SLC17A3: variants seen among roughly 807,000 people sequenced by gnomAD.
The protein encoded by SLC17A3 is sodium-dependent phosphate transport protein 4.
In SLC17A3, 61 loss-of-function variants were observed where a neutral mutation model predicts 60.3. That is an observed-to-expected ratio of 1.01 (90% CI 0.82 to 1.25). The LOEUF (loss-of-function observed/expected upper bound fraction) is 1.25, where lower values mean the gene tolerates loss of function less well. Among genes scored for constraint, SLC17A3 ranks in the 50% most tolerant of loss-of-function variants. The probability of loss-of-function intolerance (pLI) is 0.00; values close to 1 mark genes in which losing one functional copy is unlikely to be tolerated. For synonymous variants in SLC17A3, 192 were observed against 208.9 expected (o/e 0.92, Z 0.70); for missense variants, 624 against 594.9 (o/e 1.05, Z -0.51).
Position 25,845,092 on chromosome 6 carries a change from C to T in SLC17A3, c.*209G>A, listed in dbSNP as rs2151517078. 2 of 367,774 alleles carry T rather than the reference C, an allele frequency of 5.4e-6. No homozygotes were observed. The highest frequency in any genetic ancestry group is 6.1e-5 in the East Asian group (1 of 16,470). The allele number at this position is 367,774 out of a possible 1,614,324, so 22.8% of individuals were successfully genotyped here. On this transcript the variant is annotated 3_prime_UTR_variant, in exon 13 of 13. Coordinates refer to ENST00000397060, the MANE Select transcript of SLC17A3 (RefSeq NM_001098486.2). The stretch of plus-strand genomic sequence containing the variant: ...TCCATTGTTAATTCTATGAAGATGA[C>T]AACTGCATTCTTAGTTATCATTTTA...
chr6:25,850,134 A>G lies in SLC17A3; in HGVS notation c.1037T>C (p.Ile346Thr), dbSNP rs755895458. The change falls in exon 9 of 13, where the codon ATA becomes ACA. Residue 346 changes from isoleucine (I) to threonine (T), a missense_variant. Transcript: ENST00000397060. ...SALPFIVAWVIGMVGGYLADF... is the reference protein window; with the variant it reads ...SALPFIVAWVTGMVGGYLADF... ...TGCCAGATAGCCTCCCACCATGCCTATGACCCAGGCAACAATAAAAGGAAG... is the reference window on the plus strand; with the variant it reads ...TGCCAGATAGCCTCCCACCATGCCTGTGACCCAGGCAACAATAAAAGGAAG... The G allele has an allele frequency of 9.3e-6, 15 of 1,613,500 alleles. No individual in the cohort carries two copies. Among genetic ancestry groups the G allele is most frequent in the Non-Finnish European group, 1.2e-5 (14 of 1,179,438 alleles).
intron 2 of SLC17A3, among the ~76,000 whole-genome samples, chr6:25,867,975 T>C (rs1765565989): frequency 6.6e-6 from 1 of 151,932 alleles, no homozygotes; most frequent in Non-Finnish European, 1.5e-5. Context: ...TTTTTTACTT[T>C]TTTAAATTAA....
intron 1 of SLC17A3, among the ~76,000 whole-genome samples, chr6:25,868,910 C>G (rs1765585354): frequency 1.3e-5 from 2 of 152,040 alleles, no homozygotes; most frequent in East Asian, 1.9e-4. Context: ...CACCTCAGAG[C>G]TATGCTCCTC....
chr6:25,872,922 C>A (rs1215056295), intron 1 of SLC17A3, among the ~76,000 whole-genome samples: 1 of 152,004 alleles, frequency 6.6e-6, no homozygotes, highest in Non-Finnish European at 1.5e-5. Context: ...CAGCTTGTAC[C>A]AACACCCTAT....
At chr6:25,856,405 T>A (rs1359451110) in intron 5 of SLC17A3, among the ~76,000 whole-genome samples, 1 of 152,090 alleles carries the variant, frequency 6.6e-6, no homozygotes, top group African/African-American at 2.4e-5. Flanking sequence ...TTGGCTAACT[T>A]AAAAAAATTC....
intron 5 of SLC17A3, 123 bp downstream of exon 5, chr6:25,861,501 T>C: frequency 1.2e-6 from 1 of 823,782 alleles, no homozygotes. Context: ...CCAGTCTTTT[T>C]AATTTAAAAA....
chr6:25,862,879 A>G (rs1262588285), intron 2 of SLC17A3, among the ~76,000 whole-genome samples: 2 of 151,576 alleles, frequency 1.3e-5, no homozygotes, highest in Non-Finnish European at 2.9e-5. Context: ...TGTATGTATA[A>G]CTATATATAC....
chr6:25,846,921 T>C (rs1581518287), intron 11 of SLC17A3, among the ~76,000 whole-genome samples: 2 of 152,172 alleles, frequency 1.3e-5, no homozygotes, highest in South Asian at 2.1e-4. Context: ...GGAAATATTA[T>C]TTTCTAAAAA....
At chr6:25,862,520 A>G (rs1279470233) in intron 2 of SLC17A3, 76 bp from the exon 3 acceptor site, 1 of 1,146,278 alleles carries the variant, frequency 8.7e-7, no homozygotes, top group East Asian at 2.4e-5. Flanking sequence ...TATGATTTAA[A>G]AAGTACCTGA....
chr6:25,864,882 G>GTGT (rs1203716193), intron 2 of SLC17A3, among the ~76,000 whole-genome samples: 1 of 152,006 alleles, frequency 6.6e-6, no homozygotes, highest in Non-Finnish European at 1.5e-5. Context: ...GGGCTCTTCA[G>GTGT]TGTTTGGAGG....
intron 8 of SLC17A3, 137 bp from the exon 9 acceptor site, chr6:25,850,314 C>T: frequency 1.5e-6 from 2 of 1,308,880 alleles, no homozygotes; most frequent in Non-Finnish European, 2.2e-6. Flanking sequence ...TAAATCATAC[C>T]CCAGAAAAGC....
chr6:25,847,107 G>A (rs1765187150), intron 11 of SLC17A3, among the ~76,000 whole-genome samples: 1 of 151,714 alleles, frequency 6.6e-6, no homozygotes, highest in African/African-American at 2.4e-5. Context: ...TCCAGTGTCT[G>A]TTGTTCCCCT....
At chr6:25,864,112 AC>A (rs927344620) in intron 2 of SLC17A3, among the ~76,000 whole-genome samples, 7 of 152,048 alleles carry the variant, frequency 4.6e-5, no homozygotes, top group African/African-American at 1.7e-4. Flanking sequence ...TAGAGGGAAC[AC>A]CCCTGGAGCT....
Position 25,845,308 on chromosome 6 carries a change from G to T in SLC17A3, c.*3-10C>A. On this transcript the variant is annotated splice_polypyrimidine_tract_variant and intron_variant, in intron 12 of 12. Transcript: ENST00000397060. ...ATCCAAGGTGGGATAACTAAGAAAG[G>T]AAAATGATATAGAATTTAAAACTTC... 1 of 1,577,794 alleles carries T rather than the reference G, an allele frequency of 6.3e-7. No homozygotes were observed.
rs760448912 is a variant in SLC17A3, at chr6:25,850,878, C to CT, written c.713-2dup. ...AGGCAGCAGACACAGCCAACACCTCCTGTAAGCACAGGGTAAATTTGGTAA... is the reference window on the plus strand; with the variant it reads ...AGGCAGCAGACACAGCCAACACCTCCTTGTAAGCACAGGGTAAATTTGGTAA... On this transcript the variant is annotated splice_acceptor_variant, in intron 6 of 12. Coordinates refer to ENST00000397060, the MANE Select transcript of SLC17A3 (RefSeq NM_001098486.2). LOFTEE classifies it high-confidence loss of function. The CT allele has an allele frequency of 4.3e-6, 7 of 1,612,602 alleles. No individual in the cohort carries two copies. Among genetic ancestry groups the CT allele is most frequent in the Non-Finnish European group, 5.9e-6 (7 of 1,178,628 alleles).
chr6:25,859,311 A>C (rs1437973697), intron 5 of SLC17A3, among the ~76,000 whole-genome samples: 1 of 152,220 alleles, frequency 6.6e-6, no homozygotes. Flanking sequence ...GCACTCAATC[A>C]GGGAAGCACT....
At chr6:25,868,475 T>G in intron 1 of SLC17A3, 55 bp from the exon 2 acceptor site, 2 of 1,158,990 alleles carry the variant, frequency 1.7e-6, no homozygotes, top group Non-Finnish European at 2.6e-6. Flanking sequence ...AGACTCCCCG[T>G]TGAAATATTT....
Position 25,862,420 on chromosome 6 carries a change from T to A in SLC17A3, c.116A>T (p.Tyr39Phe). 1 of 1,613,468 alleles carries A rather than the reference T, an allele frequency of 6.2e-7. No homozygotes were observed. The highest frequency in any genetic ancestry group is 8.5e-7 in the Non-Finnish European group (1 of 1,179,476). ...RKVPSLCSAR[Y>F]GIALVLHFCN... Reference sequence around the variant, plus strand: ...GAAATGTAAGACGAGGGCTATTCCATAGCGAGCAGAACATAAACTTGGAAC... The same window carrying A: ...GAAATGTAAGACGAGGGCTATTCCAAAGCGAGCAGAACATAAACTTGGAAC... Residue 39 changes from tyrosine to phenylalanine, a missense_variant, in exon 3 of 13, where the codon TAT becomes TTT. Transcript: ENST00000397060.
At chr6:25,867,315 T>C (rs1309139361) in intron 2 of SLC17A3, among the ~76,000 whole-genome samples, 1 of 151,950 alleles carries the variant, frequency 6.6e-6, no homozygotes, top group Non-Finnish European at 1.5e-5. Context: ...AATACAGCAG[T>C]TGGAGTATTC....
Sources: allele counts gnomAD v4.1 joint callset (sites outside exome capture counted in the v4.1 genomes callset), GRCh38; gene constraint gnomAD v4.1.1; transcripts MANE v1.5; gene names NCBI Gene and HGNC (gene_info 2026-07-23, HGNC 2026-07-21).